Variants in CLIC2 observed in about 807,000 individuals in gnomAD.
CLIC2 encodes CLIC family member 2.
CLIC2 carries 9 observed loss-of-function variants against 14.8 expected under a neutral mutation model. That is an observed-to-expected ratio of 0.61 (90% CI 0.37 to 1.06). The LOEUF (loss-of-function observed/expected upper bound fraction) is 1.06. Among genes scored for constraint, CLIC2 ranks in the 50% least tolerant of loss-of-function variants. CLIC2 has a pLI of 0.01. For synonymous variants in CLIC2, 61 were observed against 66.3 expected (o/e 0.92, Z 0.39); for missense variants, 148 against 181.4 (o/e 0.82, Z 1.06).
chrX:155,281,213 G>T (rs1407687896), intron 3 of CLIC2, among the ~76,000 whole-genome samples: 1 of 108,584 alleles, frequency 9.2e-6, no homozygotes, highest in East Asian at 2.9e-4. Flanking sequence ...CGGGGCAGTG[G>T]GGGGAGGAAA....
intron 1 of CLIC2, among the ~76,000 whole-genome samples, chrX:155,328,544 GAATA>G (rs1557322545): frequency 9.0e-6 from 1 of 111,293 alleles, no homozygotes; most frequent in Non-Finnish European, 1.9e-5. Flanking sequence ...TGAATTGGAA[GAATA>G]AATATAGTTA....
At chrX:155,284,853 A>G (rs1181863702) in intron 3 of CLIC2, among the ~76,000 whole-genome samples, 1 of 112,104 alleles carries the variant, frequency 8.9e-6, no homozygotes, top group Non-Finnish European at 1.9e-5. Flanking sequence ...CATTTTTAAG[A>G]CTATTGATGG....
intron 3 of CLIC2, among the ~76,000 whole-genome samples, chrX:155,286,578 C>T (rs781976329): frequency 2.7e-5 from 3 of 112,411 alleles, no homozygotes; most frequent in Admixed American, 9.4e-5. Context: ...AATGGTTGCA[C>T]TAGTTTACAC....
At chrX:155,305,739 T>C (rs1217587482) in intron 1 of CLIC2, among the ~76,000 whole-genome samples, 1 of 112,603 alleles carries the variant, frequency 8.9e-6, no homozygotes, top group Non-Finnish European at 1.9e-5. Flanking sequence ...AAAAATTATT[T>C]GTATTTTAAA....
intron 1 of CLIC2, among the ~76,000 whole-genome samples, chrX:155,313,865 C>A (rs1423921721): frequency 8.9e-6 from 1 of 111,833 alleles, no homozygotes; most frequent in Non-Finnish European, 1.9e-5. Flanking sequence ...GTAAGACTGG[C>A]CTTTAGGACT....
chrX:155,307,604 G>C (rs1489678522), intron 1 of CLIC2, among the ~76,000 whole-genome samples: 1 of 112,073 alleles, frequency 8.9e-6, no homozygotes, highest in Non-Finnish European at 1.9e-5. Context: ...GGCAAGAGAC[G>C]CCAAGTGTGG....
chrX:155,291,053 C>T, intron 3 of CLIC2: 1 of 779,510 alleles, frequency 1.3e-6, no homozygotes, highest in Non-Finnish European at 2.0e-6. Context: ...ATTCCTTTTC[C>T]AGAGTTGCTC....
In CLIC2 at chrX:155,278,046, GATAT is replaced by G; in HGVS notation, c.597_600del (p.Lys199AsnfsTer69). Reference sequence around the variant, plus strand: ...AATTCTGCTGGAATGTCAAAGTCACGATATTTCTTGGCAGCAACCTAGAATTTTG... The same window carrying G: ...AATTCTGCTGGAATGTCAAAGTCACGTTCTTGGCAGCAACCTAGAATTTTG... On this transcript the variant is annotated frameshift_variant, in exon 6 of 6. Transcript: ENST00000369449. LOFTEE classifies it high-confidence loss of function. 8.3e-7 allele frequency: 1 copy of G among 1,210,664 alleles called. No homozygotes were observed. Among genetic ancestry groups the G allele is most frequent in the Non-Finnish European group, 1.1e-6 (1 of 895,027 alleles).
intron 3 of CLIC2, chrX:155,290,501 T>A: frequency 1.8e-6 from 1 of 546,888 alleles, no homozygotes; most frequent in Admixed American, 2.4e-5. Flanking sequence ...ATCTTTCTAA[T>A]TACATCCATT....
chrX:155,281,683 GCCTATATT>G (rs1430497363), intron 3 of CLIC2, among the ~76,000 whole-genome samples: 3 of 110,910 alleles, frequency 2.7e-5, no homozygotes, highest in Non-Finnish European at 3.8e-5. Flanking sequence ...CCAGTCCAAA[GCCTATATT>G]ACTGTAACAG....
intron 3 of CLIC2, among the ~76,000 whole-genome samples, chrX:155,290,127 G>T (rs781937551): frequency 8.9e-6 from 1 of 112,199 alleles, no homozygotes; most frequent in Non-Finnish European, 1.9e-5. Flanking sequence ...TAAAAACAGT[G>T]TGACAAAATT....
intron 1 of CLIC2, among the ~76,000 whole-genome samples, chrX:155,305,970 T>A (rs1557319986): frequency 8.9e-6 from 1 of 112,411 alleles, no homozygotes; most frequent in African/African-American, 3.2e-5. Flanking sequence ...AGTACCATCA[T>A]GGTTTAATTT....
At chrX:155,287,299 T>TC (rs1297884757) in intron 3 of CLIC2, among the ~76,000 whole-genome samples, 2 of 111,780 alleles carry the variant, frequency 1.8e-5, no homozygotes, top group Non-Finnish European at 3.8e-5. Flanking sequence ...CTCTATTATG[T>TC]CCCATTGGTC....
At chrX:155,334,325 A>G (rs781916102) in intron 1 of CLIC2, 46 bp downstream of exon 1, 15 of 1,046,027 alleles carry the variant, frequency 1.4e-5, no homozygotes, top group Non-Finnish European at 1.9e-5. Context: ...TTCAGTGTCA[A>G]AAACTAATAT....
intron 1 of CLIC2, among the ~76,000 whole-genome samples, chrX:155,308,678 A>G (rs1414533687): frequency 8.9e-6 from 1 of 112,449 alleles, no homozygotes; most frequent in Non-Finnish European, 1.9e-5. Context: ...AAAGAAACTA[A>G]TAACATACAA....
At chrX:155,283,923 A>G (rs1405243654) in intron 3 of CLIC2, among the ~76,000 whole-genome samples, 1 of 112,043 alleles carries the variant, frequency 8.9e-6, no homozygotes, top group Non-Finnish European at 1.9e-5. Context: ...TTGATTTTAC[A>G]GAGATTTTAT....
intron 3 of CLIC2, among the ~76,000 whole-genome samples, chrX:155,284,037 A>G (rs975916705): frequency 1.8e-5 from 2 of 111,119 alleles, no homozygotes; most frequent in African/African-American, 6.5e-5. Flanking sequence ...TTGCTTAGCT[A>G]TACAGTTTAA....
chrX:155,326,607 A>C (rs1193932629), intron 1 of CLIC2, among the ~76,000 whole-genome samples: 1 of 111,980 alleles, frequency 8.9e-6, no homozygotes, highest in African/African-American at 3.2e-5. Flanking sequence ...ATGAAAACTT[A>C]TGTCCATAAA....
chrX:155,279,980 G>C lies in CLIC2; in HGVS notation c.382C>G (p.Gln128Glu), dbSNP rs1557316247. ...AKFSAYIKNT[Q>E]KEANKNFEKS... is the part of the protein sequence containing the mutation. The stretch of plus-strand genomic sequence containing the variant: ...ATCTTACTCTTATTTGCCTCCTTTT[G>C]TGTATTCTTAATGTATGCAGAAAAC... Residue 128 changes from glutamine (Q) to glutamate (E), a missense_variant, in exon 4 of 6, where the codon CAA becomes GAA. Transcript: ENST00000369449. The C allele has an allele frequency of 1.7e-6, 2 of 1,196,844 alleles. No homozygotes were observed. The highest frequency in any genetic ancestry group is 3.0e-5 in the East Asian group (1 of 33,764).
Sources: allele counts gnomAD v4.1 joint callset (sites outside exome capture counted in the v4.1 genomes callset), GRCh38; gene constraint gnomAD v4.1.1; transcripts MANE v1.5; gene names NCBI Gene and HGNC (gene_info 2026-07-23, HGNC 2026-07-21).